PTPRM: variants seen among roughly 807,000 people sequenced by gnomAD.
PTPRM encodes receptor-type tyrosine-protein phosphatase mu.
A neutral mutation model predicts 186.7 loss-of-function variants in PTPRM; 47 were observed. The observed-to-expected ratio is 0.25, with a 90% CI of 0.20 to 0.32. The LOEUF is 0.32. PTPRM is among the 10% of genes least tolerant of loss of function. The probability of loss-of-function intolerance (pLI) is 1.00; values close to 1 mark genes in which losing one functional copy is unlikely to be tolerated. For synonymous variants in PTPRM, 668 were observed against 674.9 expected (o/e 0.99, Z 0.16); for missense variants, 1,494 against 1,865.0 (o/e 0.80, Z 3.66).
chr18:7,604,037 T>C (rs970944998), intron 1 of PTPRM, among the ~76,000 whole-genome samples: 3 of 152,250 alleles, frequency 2.0e-5, no homozygotes, highest in African/African-American at 7.2e-5. Flanking sequence ...ATGTGCTGTT[T>C]TTCTTTTTTC....
chr18:8,264,829 G>C (rs1470398921), intron 19 of PTPRM, among the ~76,000 whole-genome samples: 2 of 150,442 alleles, frequency 1.3e-5, no homozygotes, highest in Admixed American at 1.3e-4. Flanking sequence ...ACACAGAGAT[G>C]TTTATTTCTA....
intron 13 of PTPRM, among the ~76,000 whole-genome samples, chr18:8,115,268 G>T (rs1247128692): frequency 6.6e-6 from 1 of 152,098 alleles, no homozygotes; most frequent in African/African-American, 2.4e-5. Flanking sequence ...GTCTACGCGG[G>T]CTTTTTTCAC....
chr18:8,124,198 G>T (rs1046111010), intron 13 of PTPRM, among the ~76,000 whole-genome samples: 1 of 152,150 alleles, frequency 6.6e-6, no homozygotes, highest in African/African-American at 2.4e-5. Flanking sequence ...GGATTAAAAT[G>T]ATGGTGTATC....
At chr18:8,183,314 T>G (rs917457918) in intron 14 of PTPRM, among the ~76,000 whole-genome samples, 6 of 152,234 alleles carry the variant, frequency 3.9e-5, no homozygotes, top group Non-Finnish European at 8.8e-5. Context: ...TTTTATTTTA[T>G]TTCCAAAGAT....
At chr18:8,170,203 G>A (rs576818405) in intron 14 of PTPRM, among the ~76,000 whole-genome samples, 5 of 152,234 alleles carry the variant, frequency 3.3e-5, no homozygotes, top group African/African-American at 4.8e-5. Flanking sequence ...AGGACCACAC[G>A]ATGAATTTGA....
In PTPRM at chr18:8,147,679, A is replaced by G. The variant is rs150152388; in HGVS notation, c.2300+3900A>G. ...TGCTCTGGCCAGAACTTCCAATACT[A>G]TGTTAAATAGGAGTGAGTGAGAGAG... is the stretch of plus-strand genomic sequence containing the variant. On this transcript the variant is annotated intron_variant, in intron 14 of 32. Coordinates refer to ENST00000580170, the MANE Select transcript of PTPRM (RefSeq NM_001105244.2). Among the ~76,000 whole-genome samples, 605 of 152,244 alleles carry G rather than the reference A, an allele frequency of 4.0e-3. 4 individuals carry two copies. The highest frequency in any genetic ancestry group is 0.013 in the African/African-American group (540 of 41,544).
intron 13 of PTPRM, among the ~76,000 whole-genome samples, chr18:8,127,847 A>G (rs1327994280): frequency 6.6e-6 from 1 of 152,178 alleles, no homozygotes. Flanking sequence ...GAGAGGAGGA[A>G]CATTCATGGA....
intron 2 of PTPRM, among the ~76,000 whole-genome samples, chr18:7,783,675 G>A (rs764298393): frequency 5.9e-5 from 9 of 151,940 alleles, no homozygotes; most frequent in Non-Finnish European, 4.4e-5. Flanking sequence ...GGGCTCAAGG[G>A]ATCCTCCTGC....
At chr18:7,998,250 A>G (rs1452405538) in intron 7 of PTPRM, among the ~76,000 whole-genome samples, 1 of 151,906 alleles carries the variant, frequency 6.6e-6, no homozygotes, top group Non-Finnish European at 1.5e-5. Flanking sequence ...AGCCTGGAGG[A>G]CATTATGTTA....
rs9953101 is a variant in PTPRM, at chr18:7,834,528, A to T, written c.197-53578A>T. Among the ~76,000 whole-genome samples the T allele has an allele frequency of 1.7e-3, 249 of 146,222 alleles. 2 individuals are homozygous for T. Among genetic ancestry groups the T allele is most frequent in the African/African-American group, 5.9e-3 (228 of 38,546 alleles). On this transcript the variant is annotated intron_variant, in intron 2 of 32. Coordinates refer to ENST00000580170, the MANE Select transcript of PTPRM (RefSeq NM_001105244.2). ...CACACACACACACACACACACACAC[A>T]CTTCCAGACTCATTCTTTCAGGTCA...
At chr18:7,882,980 C>T (rs1032999431) in intron 2 of PTPRM, among the ~76,000 whole-genome samples, 1 of 152,148 alleles carries the variant, frequency 6.6e-6, no homozygotes, top group Non-Finnish European at 1.5e-5. Context: ...ATTGCATGTT[C>T]TTATCAAAGA....
At chr18:8,339,740 T>A (rs2095462936) in intron 22 of PTPRM, among the ~76,000 whole-genome samples, 1 of 144,322 alleles carries the variant, frequency 6.9e-6, no homozygotes, top group Non-Finnish European at 1.6e-5. Flanking sequence ...CTCATGATGG[T>A]CGTGGTCACT....
chr18:7,589,245 G>A (rs1276216953), intron 1 of PTPRM, among the ~76,000 whole-genome samples: 1 of 152,222 alleles, frequency 6.6e-6, no homozygotes, highest in Non-Finnish European at 1.5e-5. Context: ...GAAAGCAGCA[G>A]GTCATGTGGT....
chr18:7,979,188 T>C (rs1022599469), intron 7 of PTPRM, among the ~76,000 whole-genome samples: 4 of 152,044 alleles, frequency 2.6e-5, no homozygotes, highest in Admixed American at 2.6e-4. Flanking sequence ...CACTGTAGAG[T>C]CCTTTGTTCT....
intron 2 of PTPRM, among the ~76,000 whole-genome samples, chr18:7,796,671 G>C (rs911572751): frequency 6.6e-6 from 1 of 152,194 alleles, no homozygotes; most frequent in African/African-American, 2.4e-5. Flanking sequence ...TGGAGTCCAA[G>C]CAGCTCTGGA....
chr18:7,605,865 C>T (rs2037519748), intron 1 of PTPRM, among the ~76,000 whole-genome samples: 1 of 152,140 alleles, frequency 6.6e-6, no homozygotes, highest in Admixed American at 6.5e-5. Flanking sequence ...CAAGAGCTGA[C>T]ATGGGATTAG....
intron 11 of PTPRM, among the ~76,000 whole-genome samples, chr18:8,092,857 G>A (rs2090821212): frequency 6.6e-6 from 1 of 152,058 alleles, no homozygotes; most frequent in African/African-American, 2.4e-5. Context: ...CGGAGCATGG[G>A]TATGTGCCTG....
intron 2 of PTPRM, among the ~76,000 whole-genome samples, chr18:7,803,664 G>A (rs2044086374): frequency 6.6e-6 from 1 of 152,164 alleles, no homozygotes; most frequent in African/African-American, 2.4e-5. Context: ...AAGGAGATGA[G>A]AAGAGAAGGG....
chr18:8,344,448 G>GTGTATATATA (rs1360655194), intron 23 of PTPRM, among the ~76,000 whole-genome samples: 9 of 33,418 alleles, frequency 2.7e-4, no homozygotes, highest in African/African-American at 2.2e-4. Context: ...GTGTGTGTGT[G>GTGTATATATA]TATATATATA....
Sources: allele counts gnomAD v4.1 joint callset (sites outside exome capture counted in the v4.1 genomes callset), GRCh38; gene constraint gnomAD v4.1.1; transcripts MANE v1.5; gene names NCBI Gene and HGNC (gene_info 2026-07-23, HGNC 2026-07-21).